PALM2AKAP2: variants seen among roughly 807,000 people sequenced by gnomAD.
The protein encoded by PALM2AKAP2 is PALM2 and AKAP2 fusion.
In PALM2AKAP2, 37 loss-of-function variants were observed where a neutral mutation model predicts 71.5. The observed-to-expected ratio is 0.52, with a 90% confidence interval of 0.40 to 0.68. The LOEUF (loss-of-function observed/expected upper bound fraction) is 0.68. Among genes scored for constraint, PALM2AKAP2 ranks in the 30% least tolerant of loss-of-function variants. The pLI, the probability that PALM2AKAP2 is intolerant of heterozygous loss-of-function variation, is 0.00. For synonymous variants in PALM2AKAP2, 468 were observed against 478.8 expected (o/e 0.98, Z 0.29); for missense variants, 1,224 against 1,191.8 (o/e 1.03, Z -0.40).
At chr9:110,137,821 A>G (rs1835926512) in exon 2 of PALM2AKAP2, 9 of 1,614,124 alleles carry the variant, frequency 5.6e-6, no homozygotes, top group Non-Finnish European at 7.6e-6. Flanking sequence ...AGACACCACA[A>G]ACTGACAACC....
chr9:109,673,426 T>A (rs1331468094), intron 1 of PALM2AKAP2, among the ~76,000 whole-genome samples: 1 of 152,056 alleles, frequency 6.6e-6, no homozygotes, highest in East Asian at 1.9e-4. Flanking sequence ...AGTAAATTTC[T>A]TGGTTTTGAT....
At chr9:110,170,289 A>G (rs1171272526) in exon 4 of PALM2AKAP2, 1 of 152,550 alleles carries the variant, frequency 6.6e-6, no homozygotes, top group Non-Finnish European at 1.5e-5. Context: ...ATTAACTCAG[A>G]CCTCACTAAA....
At chr9:109,706,664 C>A (rs1388774774) in intron 1 of PALM2AKAP2, among the ~76,000 whole-genome samples, 1 of 152,132 alleles carries the variant, frequency 6.6e-6, no homozygotes, top group Non-Finnish European at 1.5e-5. Flanking sequence ...ACACAAATGT[C>A]TGTCAATGGA....
At chr9:110,015,708 A>G (rs995885017) in intron 6 of PALM2AKAP2, among the ~76,000 whole-genome samples, 5 of 152,232 alleles carry the variant, frequency 3.3e-5, no homozygotes, top group Non-Finnish European at 7.3e-5. Context: ...ATAGCTCTCT[A>G]TAAGATATAG....
intron 3 of PALM2AKAP2, among the ~76,000 whole-genome samples, chr9:109,902,270 C>T (rs1367709968): frequency 6.6e-6 from 1 of 152,198 alleles, no homozygotes; most frequent in Non-Finnish European, 1.5e-5. Context: ...AGTGTCTCAT[C>T]AGTGCCTAGC....
chr9:109,875,451 G>C (rs1167869862), intron 2 of PALM2AKAP2, among the ~76,000 whole-genome samples: 3 of 152,220 alleles, frequency 2.0e-5, no homozygotes, highest in African/African-American at 7.2e-5. Flanking sequence ...GGGACTGGCA[G>C]AGTTCTTGGC....
At chr9:110,094,319 A>T (rs562029369) in intron 1 of PALM2AKAP2, among the ~76,000 whole-genome samples, 3 of 152,378 alleles carry the variant, frequency 2.0e-5, no homozygotes, top group Admixed American at 2.0e-4. Context: ...GTGACCAATG[A>T]ACAAGGCAAC....
chr9:109,900,550 G>T (rs1830304457), intron 3 of PALM2AKAP2, among the ~76,000 whole-genome samples: 1 of 152,174 alleles, frequency 6.6e-6, no homozygotes, highest in African/African-American at 2.4e-5. Flanking sequence ...TACCCCAGTG[G>T]TGTTTGGCTG....
chr9:110,015,413 A>G (rs1236187259), intron 6 of PALM2AKAP2, among the ~76,000 whole-genome samples: 1 of 152,212 alleles, frequency 6.6e-6, no homozygotes, highest in Non-Finnish European at 1.5e-5. Context: ...AGCCTGGGCA[A>G]CATGGTGAAA....
At chr9:109,656,129 G>A (rs988447395) in intron 1 of PALM2AKAP2, among the ~76,000 whole-genome samples, 2 of 152,160 alleles carry the variant, frequency 1.3e-5, no homozygotes, top group South Asian at 2.1e-4. Context: ...AGTATCTGAC[G>A]TTGGGGCAAA....
chr9:109,707,781 C>T (rs191970366), intron 1 of PALM2AKAP2, among the ~76,000 whole-genome samples: 73 of 152,314 alleles, frequency 4.8e-4, no homozygotes, highest in African/African-American at 1.6e-3. Context: ...ATAATTTTCA[C>T]CCCAGTCTCC....
chr9:110,089,391 G>A (rs1242406797), intron 1 of PALM2AKAP2, among the ~76,000 whole-genome samples: 1 of 152,160 alleles, frequency 6.6e-6, no homozygotes, highest in Non-Finnish European at 1.5e-5. Context: ...TAAGGAATAT[G>A]GCATGGCTAC....
At chr9:109,656,209 G>A (rs1280767018) in intron 1 of PALM2AKAP2, among the ~76,000 whole-genome samples, 3 of 152,180 alleles carry the variant, frequency 2.0e-5, no homozygotes, top group Non-Finnish European at 2.9e-5. Flanking sequence ...TGGCCAGTGC[G>A]AAGCCTGAGC....
At chr9:109,710,169 G>A (rs184456935) in intron 1 of PALM2AKAP2, among the ~76,000 whole-genome samples, 19 of 152,334 alleles carry the variant, frequency 1.2e-4, no homozygotes, top group East Asian at 1.9e-4. Context: ...GGACCCAATC[G>A]TGCCAACACC....
chr9:109,856,172 G>A (rs1829159291), intron 1 of PALM2AKAP2, among the ~76,000 whole-genome samples: 1 of 151,956 alleles, frequency 6.6e-6, no homozygotes, highest in Non-Finnish European at 1.5e-5. Flanking sequence ...CCTTGACTTA[G>A]CAGTTCTGCT....
intron 7 of PALM2AKAP2, among the ~76,000 whole-genome samples, chr9:110,016,711 T>C (rs1157976816): frequency 6.6e-6 from 1 of 152,214 alleles, no homozygotes; most frequent in Non-Finnish European, 1.5e-5. Context: ...CACAAAGGAA[T>C]GATCTTCCTC....
chr9:110,102,848 T>A (rs972713612), intron 1 of PALM2AKAP2, among the ~76,000 whole-genome samples: 1 of 152,138 alleles, frequency 6.6e-6, no homozygotes, highest in Non-Finnish European at 1.5e-5. Context: ...CTCGAGCCCC[T>A]TACCCCATCC....
intron 7 of PALM2AKAP2, among the ~76,000 whole-genome samples, chr9:110,031,844 T>C (rs1405897537): frequency 6.6e-6 from 1 of 152,136 alleles, no homozygotes; most frequent in African/African-American, 2.4e-5. Flanking sequence ...TGTAGTTCTG[T>C]TTGCGTTCAT....
At chr9:109,843,784 C>G (rs1828773825) in intron 1 of PALM2AKAP2, among the ~76,000 whole-genome samples, 1 of 152,188 alleles carries the variant, frequency 6.6e-6, no homozygotes, top group Admixed American at 6.5e-5. Context: ...CTCGGCCTGG[C>G]CCCATCCCAG....
Sources: gnomAD v4.1 joint callset for allele counts (sites outside exome capture counted in the v4.1 genomes callset) on GRCh38, gnomAD v4.1.1 for gene constraint, MANE v1.5 for transcripts, NCBI Gene and HGNC (gene_info 2026-07-23, HGNC 2026-07-21) for gene names.